The following LRMDA variants were observed in gnomAD, a reference collection of about 807,000 sequenced individuals.
LRMDA encodes leucine-rich melanocyte differentiation-associated protein.
A neutral mutation model predicts 29.8 loss-of-function variants in LRMDA; 18 were observed. The observed-to-expected ratio is 0.60, with a 90% CI of 0.42 to 0.90. The LOEUF is 0.90. Ranked by LOEUF, LRMDA falls within the 40% of genes least tolerant of loss-of-function variation. The probability of loss-of-function intolerance (pLI) is 0.00; values close to 1 mark genes in which losing one functional copy is unlikely to be tolerated. For missense variants in LRMDA, 273 were observed against 273.9 expected (o/e 1.00, Z 0.02); for synonymous variants, 125 against 109.4 (o/e 1.14, Z -0.89).
chr10:75,699,220 A>G (rs1038365339), intron 2 of LRMDA, among the ~76,000 whole-genome samples: 1 of 151,162 alleles, frequency 6.6e-6, no homozygotes, highest in Non-Finnish European at 1.5e-5. Context: ...AAAAAAAATC[A>G]AACTTTCTGA....
intron 3 of LRMDA, among the ~76,000 whole-genome samples, chr10:76,042,110 G>A (rs572095174): frequency 3.3e-4 from 51 of 152,264 alleles, no homozygotes; most frequent in African/African-American, 1.2e-3. Flanking sequence ...GCTGACCCAG[G>A]AGACAAAGAA....
intron 4 of LRMDA, among the ~76,000 whole-genome samples, chr10:76,051,958 G>A (rs539952799): frequency 2.0e-5 from 3 of 152,178 alleles, no homozygotes; most frequent in Non-Finnish European, 4.4e-5. Flanking sequence ...AAACATATAC[G>A]TTCAGCAGTT....
At chr10:76,258,002 C>G (rs1472529488) in intron 5 of LRMDA, among the ~76,000 whole-genome samples, 3 of 152,178 alleles carry the variant, frequency 2.0e-5, no homozygotes, top group Non-Finnish European at 4.4e-5. Context: ...GCTCAAGTAC[C>G]TTTTAGGCAT....
chr10:75,434,575 C>G (rs1176043130), intron 1 of LRMDA, among the ~76,000 whole-genome samples: 1 of 152,158 alleles, frequency 6.6e-6, no homozygotes, highest in Non-Finnish European at 1.5e-5. Flanking sequence ...GCTTCCAGTA[C>G]CACACATACA....
At chr10:76,294,675 C>T (rs1840390858) in intron 5 of LRMDA, among the ~76,000 whole-genome samples, 1 of 152,120 alleles carries the variant, frequency 6.6e-6, no homozygotes, top group Non-Finnish European at 1.5e-5. Context: ...CTGCCTGACA[C>T]CTATCAGACA....
At chr10:75,912,172 T>TC (rs981067374) in intron 2 of LRMDA, among the ~76,000 whole-genome samples, 4 of 151,548 alleles carry the variant, frequency 2.6e-5, no homozygotes, top group Admixed American at 6.6e-5. Flanking sequence ...ATTACTCATT[T>TC]CCCCCCCTTC....
At chr10:75,896,051 A>C (rs10762683) in intron 2 of LRMDA, among the ~76,000 whole-genome samples, 59,512 of 152,138 alleles carry the variant, frequency 0.39, 13,561 homozygotes, top group South Asian at 0.5. Context: ...AGATATCATA[A>C]AGATTGAGTT....
intron 6 of LRMDA, among the ~76,000 whole-genome samples, chr10:76,345,672 A>C (rs1841098745): frequency 6.6e-6 from 1 of 151,992 alleles, no homozygotes; most frequent in African/African-American, 2.4e-5. Context: ...ATGGTGGGGA[A>C]AAGACTTAAC....
At chr10:75,515,455 C>T (rs1017786661) in intron 2 of LRMDA, among the ~76,000 whole-genome samples, 7 of 152,214 alleles carry the variant, frequency 4.6e-5, no homozygotes, top group Non-Finnish European at 1.0e-4. Context: ...TCACTGCAGC[C>T]TCAAACTCCT....
intron 2 of LRMDA, among the ~76,000 whole-genome samples, chr10:75,478,033 C>T (rs549575583): frequency 6.6e-6 from 1 of 152,206 alleles, no homozygotes; most frequent in Non-Finnish European, 1.5e-5. Context: ...GAGGCACAGC[C>T]TCTGCTGAGG....
intron 5 of LRMDA, among the ~76,000 whole-genome samples, chr10:76,314,946 C>T (rs1840673345): frequency 6.6e-6 from 1 of 152,196 alleles, no homozygotes; most frequent in Non-Finnish European, 1.5e-5. Flanking sequence ...TGAGTTGATT[C>T]ATATCTCACT....
At chr10:75,456,134 C>G (rs1169594475) in intron 2 of LRMDA, among the ~76,000 whole-genome samples, 1 of 152,214 alleles carries the variant, frequency 6.6e-6, no homozygotes, top group Non-Finnish European at 1.5e-5. Context: ...AAATTTTCAC[C>G]CTGGAGTGAC....
intron 6 of LRMDA, among the ~76,000 whole-genome samples, chr10:76,453,209 T>C (rs1300441829): frequency 6.6e-6 from 1 of 152,150 alleles, no homozygotes; most frequent in Non-Finnish European, 1.5e-5. Flanking sequence ...TTGGATCCAT[T>C]GACTCTTTTA....
Position 76,272,927 on chromosome 10 carries a change from C to G in LRMDA, c.517-51474C>G, listed in dbSNP as rs139580003. ...ATGAGAACAGCATGGAGGAAACTGC[C>G]CCCATGATCCAGTCACCTCCCACCG... On this transcript the variant is annotated intron_variant, in intron 5 of 6. Transcript: ENST00000611255. Among the ~76,000 whole-genome samples the G allele has an allele frequency of 3.4e-3, 518 of 152,244 alleles. 26 individuals are homozygous for G. The East Asian group carries it at 0.077, about 23-fold the overall frequency.
chr10:76,266,234 A>C (rs11001713), intron 5 of LRMDA, among the ~76,000 whole-genome samples: 10,726 of 104,588 alleles, frequency 0.1, 622 homozygotes, highest in East Asian at 0.41. Context: ...GTATAATAAT[A>C]ATCATCTTTT....
At chr10:76,149,798 G>T (rs370555559) in intron 5 of LRMDA, among the ~76,000 whole-genome samples, 5 of 152,166 alleles carry the variant, frequency 3.3e-5, no homozygotes, top group Non-Finnish European at 2.9e-5. Context: ...GTCCCTGGAG[G>T]GGGTGGGGAG....
intron 6 of LRMDA, among the ~76,000 whole-genome samples, chr10:76,414,758 G>A (rs1362575493): frequency 6.6e-6 from 1 of 152,190 alleles, no homozygotes; most frequent in Non-Finnish European, 1.5e-5. Context: ...CGAGTCATGG[G>A]CCCCTTAAAA....
intron 2 of LRMDA, among the ~76,000 whole-genome samples, chr10:75,572,999 C>T (rs1840456118): frequency 6.6e-6 from 1 of 152,250 alleles, no homozygotes; most frequent in Non-Finnish European, 1.5e-5. Flanking sequence ...TGATCATGGA[C>T]TTCTAGCATC....
At chr10:75,663,120 A>G (rs1054492870) in intron 2 of LRMDA, among the ~76,000 whole-genome samples, 3 of 152,144 alleles carry the variant, frequency 2.0e-5, no homozygotes, top group African/African-American at 7.2e-5. Flanking sequence ...ATTTTTAGGG[A>G]AAGTCTAGAG....
Sources: gnomAD v4.1 joint callset for allele counts (sites outside exome capture counted in the v4.1 genomes callset) on GRCh38, gnomAD v4.1.1 for gene constraint, MANE v1.5 for transcripts, NCBI Gene and HGNC (gene_info 2026-07-23, HGNC 2026-07-21) for gene names.